Variants in HIPK2 observed in about 807,000 individuals in gnomAD.
HIPK2 encodes the protein homeodomain interacting protein kinase 2.
HIPK2 carries 27 observed loss-of-function variants against 113.7 expected under a neutral mutation model. The observed-to-expected ratio is 0.24, with a 90% CI of 0.17 to 0.33. The LOEUF is 0.33. Ranked by LOEUF, HIPK2 falls within the 10% of genes least tolerant of loss-of-function variation. The pLI, the probability that HIPK2 is intolerant of heterozygous loss-of-function variation, is 1.00. For synonymous variants in HIPK2, 631 were observed against 642.2 expected (o/e 0.98, Z 0.26); for missense variants, 1,257 against 1,588.0 (o/e 0.79, Z 3.54).
At chr7:139,636,441 G>T (rs1800817609) in intron 2 of HIPK2, among the ~76,000 whole-genome samples, 1 of 152,048 alleles carries the variant, frequency 6.6e-6, no homozygotes, top group Non-Finnish European at 1.5e-5. Flanking sequence ...CTTTATTTAG[G>T]AATGGAGTTG....
chr7:139,684,009 G>A (rs1475651635), intron 2 of HIPK2, among the ~76,000 whole-genome samples: 2 of 151,874 alleles, frequency 1.3e-5, no homozygotes, highest in East Asian at 3.9e-4. Context: ...CATCGAGCCG[G>A]TCTATCAGTA....
In HIPK2 at chr7:139,613,057, C is replaced by A; in HGVS notation, c.2112+145G>T. The A allele has an allele frequency of 1.1e-6, 1 of 922,260 alleles. No homozygotes were observed. Among genetic ancestry groups the A allele is most frequent in the South Asian group, 2.1e-5 (1 of 47,628 alleles). 57.1% of individuals were successfully genotyped at this position (922,260 alleles called of 1,614,324 possible). Reference sequence around the variant, plus strand: ...TTAGGAAGGTAATTCACTTGGGGACCATTTAGAATATTACAGATACATTCC... The same window carrying A: ...TTAGGAAGGTAATTCACTTGGGGACAATTTAGAATATTACAGATACATTCC... On this transcript the variant is annotated intron_variant, in intron 9 of 14. Coordinates refer to ENST00000406875, the MANE Select transcript of HIPK2 (RefSeq NM_022740.5). This position sits in a 1 kb window ranked among gnomAD's most constrained non-coding sequence, Gnocchi z 4.2.
intron 13 of HIPK2, among the ~76,000 whole-genome samples, chr7:139,576,283 A>G (rs548616282): frequency 6.6e-6 from 1 of 152,188 alleles, no homozygotes; most frequent in East Asian, 1.9e-4. Context: ...AAACACTGCA[A>G]CCCTCCAGAG....
At chr7:139,710,024 C>A (rs891792445) in intron 2 of HIPK2, among the ~76,000 whole-genome samples, 4 of 152,168 alleles carry the variant, frequency 2.6e-5, no homozygotes, top group Admixed American at 6.5e-5. Context: ...TCCTGAGTAA[C>A]AACAGTTGTC....
At chr7:139,729,943 C>T (rs1348936318) in intron 1 of HIPK2, among the ~76,000 whole-genome samples, 3 of 152,206 alleles carry the variant, frequency 2.0e-5, no homozygotes, top group Non-Finnish European at 4.4e-5. Context: ...CCTCCATTCA[C>T]TACTGGTTCA....
At chr7:139,713,861 C>T (rs1182633093) in intron 2 of HIPK2, among the ~76,000 whole-genome samples, 1 of 152,266 alleles carries the variant, frequency 6.6e-6, no homozygotes, top group Non-Finnish European at 1.5e-5. Flanking sequence ...GCCACCAGAG[C>T]TGGCTTTCAG....
chr7:139,697,317 C>T (rs1214266396), intron 2 of HIPK2, among the ~76,000 whole-genome samples: 3 of 152,218 alleles, frequency 2.0e-5, no homozygotes, highest in African/African-American at 4.8e-5. Context: ...CCTTTTCTCT[C>T]CGAGTGAAGG....
intron 1 of HIPK2, among the ~76,000 whole-genome samples, chr7:139,773,039 G>A (rs1287379551): frequency 2.0e-5 from 3 of 152,050 alleles, no homozygotes; most frequent in Admixed American, 2.0e-4. Context: ...GTAAAGTCAG[G>A]GACAGGGATT....
chr7:139,720,636 A>G (rs1795380765), intron 1 of HIPK2, among the ~76,000 whole-genome samples: 1 of 152,234 alleles, frequency 6.6e-6, no homozygotes, highest in Admixed American at 6.5e-5. Flanking sequence ...GTGAATATCC[A>G]TATTGTTCTA....
chr7:139,758,500 C>T (rs1391102848), intron 1 of HIPK2, among the ~76,000 whole-genome samples: 2 of 152,086 alleles, frequency 1.3e-5, no homozygotes, highest in African/African-American at 4.8e-5. Flanking sequence ...CTGGCCCGGC[C>T]GCAGACTAGT....
At chr7:139,733,845 T>C (rs1795862743) in intron 1 of HIPK2, among the ~76,000 whole-genome samples, 1 of 152,266 alleles carries the variant, frequency 6.6e-6, no homozygotes, top group South Asian at 2.1e-4. Context: ...TTCCGGCCAG[T>C]GTGTGACTCC....
chr7:139,724,764 G>A (rs1244858128), intron 1 of HIPK2, among the ~76,000 whole-genome samples: 1 of 140,446 alleles, frequency 7.1e-6, no homozygotes, highest in African/African-American at 2.7e-5. Flanking sequence ...TCCCATCTAT[G>A]AGTGAGAACA....
At chr7:139,604,683 C>CAAAAAAAAA (rs11353760) in intron 9 of HIPK2, among the ~76,000 whole-genome samples, 1 of 48,802 alleles carries the variant, frequency 2.0e-5, no homozygotes, top group African/African-American at 7.7e-5. Context: ...GACTCCGTCT[C>CAAAAAAAAA]AAAAAAAAAA....
At chr7:139,739,817 A>G (rs1158060412) in intron 1 of HIPK2, among the ~76,000 whole-genome samples, 1 of 152,196 alleles carries the variant, frequency 6.6e-6, no homozygotes, top group Non-Finnish European at 1.5e-5. Flanking sequence ...CACAATATGT[A>G]TATGTCCATC....
rs375604148 is a variant in HIPK2 at position 139,649,585 on chromosome 7, G to T, written c.1104-17860C>A. On this transcript the variant is annotated intron_variant, in intron 2 of 14. Coordinates refer to ENST00000406875, the MANE Select transcript of HIPK2 (RefSeq NM_022740.5). The stretch of plus-strand genomic sequence containing the variant: ...TGTGTCTCCTGCTGTTAGAATTCGG[G>T]GGGGTGGTTTGGAAAGTGGGTCCCA... 7.9e-5 allele frequency among the ~76,000 whole-genome samples: 12 copies of T among 152,030 alleles called. No homozygotes were observed. The South Asian group carries it at 8.3e-4, about 11-fold the overall frequency.
chr7:139,590,507 C>G (rs1350354004), intron 12 of HIPK2, among the ~76,000 whole-genome samples: 1 of 152,158 alleles, frequency 6.6e-6, no homozygotes, highest in Non-Finnish European at 1.5e-5. Context: ...AGACCAGGGT[C>G]AAAACTCATC....
At chr7:139,739,528 G>A (rs190152696) in intron 1 of HIPK2, among the ~76,000 whole-genome samples, 28 of 151,770 alleles carry the variant, frequency 1.8e-4, no homozygotes, top group African/African-American at 6.5e-4. Flanking sequence ...CGGAGGTTGC[G>A]GTGAGCCAAG....
intron 2 of HIPK2, among the ~76,000 whole-genome samples, chr7:139,703,797 AC>A (rs1413768443): frequency 1.1e-5 from 1 of 90,014 alleles, no homozygotes; most frequent in African/African-American, 4.0e-5. Flanking sequence ...CCACACACAC[AC>A]CCCACACCCC....
rs778654023 is a variant in HIPK2, at chr7:139,567,515, G to A, written c.*5412C>T. Reference sequence around the variant, plus strand: ...GAAGGCCATTTTGTCCATTTCTGGAGGCGTCTTTGAGAAGGGTTCTTTGGC... The same window carrying A: ...GAAGGCCATTTTGTCCATTTCTGGAAGCGTCTTTGAGAAGGGTTCTTTGGC... On this transcript the variant is annotated 3_prime_UTR_variant, in exon 15 of 15. Coordinates refer to ENST00000406875, the MANE Select transcript of HIPK2 (RefSeq NM_022740.5). The A allele has an allele frequency of 3.9e-5, 6 of 152,068 alleles. No individual in the cohort carries two copies. Among genetic ancestry groups the A allele is most frequent in the Non-Finnish European group, 5.9e-5 (4 of 68,024 alleles). The allele number at this position is 152,068 out of a possible 1,614,324, so 9.4% of individuals were successfully genotyped here. A position where few individuals can be genotyped will look rare whatever the true frequency, so the allele number is the denominator to read the frequency against.
Sources: gnomAD v4.1 joint callset for allele counts (sites outside exome capture counted in the v4.1 genomes callset) on GRCh38, gnomAD v4.1.1 for gene constraint, Gnocchi (gnomAD v3.1) non-coding constraint, MANE v1.5 for transcripts, NCBI Gene and HGNC (gene_info 2026-07-23, HGNC 2026-07-21) for gene names.